Variants in ZIM2 observed in about 807,000 individuals in gnomAD.
The protein encoded by ZIM2 is zinc finger protein 656.
Under a neutral mutation model 38.6 loss-of-function variants are expected in ZIM2, and 14 were observed. The ratio of observed to expected loss-of-function variants is 0.36; its 90% CI spans 0.24 to 0.57. The LOEUF (loss-of-function observed/expected upper bound fraction) is 0.57. Among genes scored for constraint, ZIM2 ranks in the 20% least tolerant of loss-of-function variants. ZIM2 has a pLI of 0.81. For missense variants in ZIM2, 680 were observed against 695.1 expected (o/e 0.98, Z 0.24); for synonymous variants, 247 against 245.8 (o/e 1.00, Z -0.04).
At chr19:56,812,720 T>A in intron 9 of ZIM2, 7 of 980,556 alleles carry the variant, frequency 7.1e-6, no homozygotes, top group Non-Finnish European at 8.5e-6. Flanking sequence ...GATCTAGTGA[T>A]GGTTGTAACC....
chr19:56,826,869 C>T (rs2061093100), intron 2 of ZIM2, among the ~76,000 whole-genome samples: 2 of 152,156 alleles, frequency 1.3e-5, no homozygotes, highest in South Asian at 2.1e-4. Context: ...AAGATCTATA[C>T]ACATATATAT....
chr19:56,787,787 G>C (rs1217710523), intron 10 of ZIM2, among the ~76,000 whole-genome samples: 1 of 150,722 alleles, frequency 6.6e-6, no homozygotes, highest in Non-Finnish European at 1.5e-5. Context: ...GTCTATTCAG[G>C]GATTCGACTT....
chr19:56,816,205 T>A, intron 9 of ZIM2: 2 of 1,614,232 alleles, frequency 1.2e-6, no homozygotes. Context: ...CGCCTTTTCG[T>A]CCTCATCACT....
intron 9 of ZIM2, among the ~76,000 whole-genome samples, chr19:56,797,759 G>A (rs868483393): frequency 2.6e-5 from 4 of 152,152 alleles, no homozygotes; most frequent in Non-Finnish European, 5.9e-5. Flanking sequence ...ACTTTTGGGG[G>A]ATTGGAAGAA....
At chr19:56,818,539 G>A in intron 8 of ZIM2, 61 bp downstream of exon 8, 2 of 1,575,080 alleles carry the variant, frequency 1.3e-6, no homozygotes, top group Admixed American at 1.7e-5. Flanking sequence ...TTAAAAAGGA[G>A]CAAGATGACA....
chr19:56,790,441 C>T (rs904970802), intron 9 of ZIM2, among the ~76,000 whole-genome samples: 4 of 152,148 alleles, frequency 2.6e-5, no homozygotes, highest in African/African-American at 9.7e-5. Flanking sequence ...GATGAAATCT[C>T]ACACTTTCCT....
chr19:56,840,145 C>T (rs2062830336), intron 1 of ZIM2, among the ~76,000 whole-genome samples: 1 of 152,222 alleles, frequency 6.6e-6, no homozygotes, highest in African/African-American at 2.4e-5. Context: ...CTCCCGAGAG[C>T]CGCATTCCGC....
chr19:56,789,511 C>A (rs2046811363), intron 10 of ZIM2, among the ~76,000 whole-genome samples: 1 of 151,916 alleles, frequency 6.6e-6, no homozygotes, highest in South Asian at 2.1e-4. Context: ...ATAATGCAAA[C>A]CACACAAGGG....
At position 56,816,439 on chromosome 19, in the gene ZIM2, G is replaced by T. The variant is rs762427851; in HGVS notation, c.490+1307C>A. Reference sequence around the variant, plus strand: ...CTGACGCCTTTTAAGGGACTGACCAGGAATAAAGGTTTCCTCACACACTTT... The same window carrying T: ...CTGACGCCTTTTAAGGGACTGACCATGAATAAAGGTTTCCTCACACACTTT... On this transcript the variant is annotated intron_variant, in intron 9 of 12. Transcript: ENST00000629319. 2 of 1,614,010 alleles carry T rather than the reference G, an allele frequency of 1.2e-6. No homozygotes were observed. The highest frequency in any genetic ancestry group is 1.7e-6 in the Non-Finnish European group (2 of 1,179,946).
intron 2 of ZIM2, among the ~76,000 whole-genome samples, chr19:56,829,143 G>T (rs1055466293): frequency 2.6e-5 from 4 of 152,116 alleles, no homozygotes; most frequent in African/African-American, 7.2e-5. Context: ...CTGAGGTCAG[G>T]AGTTCGAGAC....
chr19:56,795,361 T>C (rs1407591604), intron 9 of ZIM2, among the ~76,000 whole-genome samples: 1 of 152,206 alleles, frequency 6.6e-6, no homozygotes, highest in Non-Finnish European at 1.5e-5. Context: ...CCGCGCTGGA[T>C]GCCTCTTGCG....
Position 56,782,089 on chromosome 19 carries a change from C to G in ZIM2, c.603G>C (p.Leu201=). Residue 201 remains leucine (L), a synonymous_variant, in exon 11 of 13, where the codon CTG becomes CTC. Transcript: ENST00000629319. ...FPDFKHLGTF[L]VFEELVTFED... is the part of the protein sequence containing the mutation. ...CGAAGGTCACCAACTCCTCAAACAC[C>G]AGAAATGTTCCTAAGTGTTTGAAGT... 6.2e-7 allele frequency: 1 copy of G among 1,613,892 alleles called. No homozygotes were observed. Among genetic ancestry groups the G allele is most frequent in the African/African-American group, 1.3e-5 (1 of 75,002 alleles).
chr19:56,820,303 G>C (rs2060356564), intron 7 of ZIM2, among the ~76,000 whole-genome samples: 1 of 152,226 alleles, frequency 6.6e-6, no homozygotes, highest in Non-Finnish European at 1.5e-5. Context: ...CCTTCAAAAT[G>C]TAATTTGTGT....
intron 6 of ZIM2, among the ~76,000 whole-genome samples, chr19:56,822,301 G>C (rs1251557518): frequency 2.6e-5 from 4 of 152,212 alleles, no homozygotes; most frequent in Non-Finnish European, 4.4e-5. Context: ...ACACTGGTGT[G>C]ATGATTGATT....
intron 10 of ZIM2, among the ~76,000 whole-genome samples, chr19:56,788,468 T>C (rs1469302979): frequency 6.6e-6 from 1 of 152,214 alleles, no homozygotes; most frequent in Non-Finnish European, 1.5e-5. Context: ...AATGTTGATA[T>C]TGACCTCCAC....
chr19:56,814,335 T>C lies in ZIM2; in HGVS notation c.490+3411A>G. 1 of 1,613,458 alleles carries C rather than the reference T, an allele frequency of 6.2e-7. No individual in the cohort carries two copies. Reference sequence around the variant, plus strand: ...CATTGGCTTCAACTTCCTGGGCTGCTGCTGCTGCAGCTGCTGCTGCTTCAT... The same window carrying C: ...CATTGGCTTCAACTTCCTGGGCTGCCGCTGCTGCAGCTGCTGCTGCTTCAT... On this transcript the variant is annotated intron_variant, in intron 9 of 12. Transcript: ENST00000629319. The surrounding 1 kb of genome is among the most constrained non-coding windows in gnomAD (Gnocchi z 5.8).
chr19:56,781,992 C>G lies in ZIM2; in HGVS notation c.700G>C (p.Glu234Gln). Residue 234 changes from glutamate to glutamine, a missense_variant, in exon 11 of 13, where the codon GAG (glutamate) becomes CAG (glutamine). Coordinates refer to ENST00000629319, the MANE Select transcript of ZIM2 (RefSeq NM_001387356.1). Reference sequence around the variant, plus strand: ...TTCCGGTAATTCTCCAGCATCACCTCCCTGTAGAGGTTTCTCTGAGCAGCA... The same window carrying G: ...TTCCGGTAATTCTCCAGCATCACCTGCCTGTAGAGGTTTCTCTGAGCAGCA... ...LSAAQRNLYREVMLENYRNLV... is the reference protein window; with the variant it reads ...LSAAQRNLYRQVMLENYRNLV... The G allele has an allele frequency of 6.2e-7, 1 of 1,613,912 alleles. No homozygotes were observed. The highest frequency in any genetic ancestry group is 1.1e-5 in the South Asian group (1 of 91,070).
chr19:56,779,607 T>A, intron 11 of ZIM2, 135 bp from the exon 12 acceptor site: 1 of 791,034 alleles, frequency 1.3e-6, no homozygotes, highest in Non-Finnish European at 2.0e-6. Flanking sequence ...ACAGAGATTT[T>A]ACCCCCTAAG....
intron 12 of ZIM2, among the ~76,000 whole-genome samples, chr19:56,777,479 A>C (rs2091285903): frequency 6.6e-6 from 1 of 152,156 alleles, no homozygotes; most frequent in Admixed American, 6.5e-5. Flanking sequence ...GGCCTCTTGA[A>C]CTGGTTTCTC....
Sources: allele counts gnomAD v4.1 joint callset (sites outside exome capture counted in the v4.1 genomes callset), GRCh38; gene constraint gnomAD v4.1.1; non-coding constraint Gnocchi (gnomAD v3.1); transcripts MANE v1.5; gene names NCBI Gene and HGNC (gene_info 2026-07-23, HGNC 2026-07-21).